The following MIB1 variants were observed in gnomAD, a reference collection of about 807,000 sequenced individuals.
MIB1 encodes the protein E3 ubiquitin-protein ligase MIB1.
A neutral mutation model predicts 124.5 loss-of-function variants in MIB1; 278 were observed. That is an observed-to-expected ratio of 2.23 (90% confidence interval 2.02 to 2.47). The LOEUF (loss-of-function observed/expected upper bound fraction) is 2.47, where lower values mean the gene tolerates loss of function less well. MIB1 is among the 30% of genes most tolerant of loss of function. MIB1 has a pLI of 0.00. For synonymous variants in MIB1, 446 were observed against 429.4 expected (o/e 1.04, Z -0.48); for missense variants, 957 against 1,254.4 (o/e 0.76, Z 3.58).
chr18:21,779,492 GGC>G lies in MIB1; in HGVS notation c.716_717del (p.Gly239GlufsTer11). The G allele has an allele frequency of 6.2e-7, 1 of 1,614,000 alleles. No individual in the cohort carries two copies. The highest frequency in any genetic ancestry group is 1.1e-5 in the South Asian group (1 of 91,056). ...CTCTGAAATTACAGGTGAGCAGAATGGCAACAGGAATCCTGGTGGATTGCAGA... is the reference window on the plus strand; with the variant it reads ...CTCTGAAATTACAGGTGAGCAGAATGAACAGGAATCCTGGTGGATTGCAGA... ...DHCPVLGEQN[G>X]NRNPGGLQIG... is the part of the protein sequence containing the mutation. On this transcript the variant is annotated frameshift_variant, in exon 6 of 21. Coordinates refer to ENST00000261537, the MANE Select transcript of MIB1 (RefSeq NM_020774.4). LOFTEE classifies it high-confidence loss of function.
At chr18:21,862,505 T>C (rs2042284898) in intron 20 of MIB1, among the ~76,000 whole-genome samples, 1 of 152,250 alleles carries the variant, frequency 6.6e-6, no homozygotes, top group Admixed American at 6.5e-5. Context: ...AAAATGTGTT[T>C]TGTGAATAAA....
rs182238140 is a variant in MIB1 at position 21,798,047 on chromosome 18, T to G, written c.1093-37T>G. ...AGTGATTGACTTTATGGTATATACT[T>G]TAGACTTGGAAACATGAATCTATTT... is the stretch of plus-strand genomic sequence containing the variant. On this transcript the variant is annotated intron_variant, in intron 7 of 20. Coordinates refer to ENST00000261537, the MANE Select transcript of MIB1 (RefSeq NM_020774.4). The G allele has an allele frequency of 2.6e-4, 424 of 1,607,448 alleles. 3 individuals carry two copies. In the South Asian group the frequency reaches 3.3e-3, roughly 12 times the overall value.
intron 1 of MIB1, among the ~76,000 whole-genome samples, chr18:21,734,243 A>T (rs961565629): frequency 4.6e-5 from 7 of 151,362 alleles, no homozygotes; most frequent in Non-Finnish European, 8.8e-5. Flanking sequence ...AGTAGCTGGG[A>T]CTACAGGCGC....
upstream of MIB1, among the ~76,000 whole-genome samples, chr18:21,736,451 C>T (rs972006988): frequency 5.3e-5 from 8 of 152,106 alleles, no homozygotes; most frequent in African/African-American, 1.9e-4. Flanking sequence ...ACCAGAATGC[C>T]TCGTCTCCTT....
At position 21,815,927 on chromosome 18, in the gene MIB1, T is replaced by C. The variant is rs1031380209; in HGVS notation, c.1677+114T>C. 4 of 969,746 alleles carry C rather than the reference T, an allele frequency of 4.1e-6. No homozygotes were observed. The African/African-American group carries it at 6.6e-5, about 16-fold the overall frequency. The allele number at this position is 969,746 out of a possible 1,614,324, so 60.1% of individuals were successfully genotyped here. A position where few individuals can be genotyped will look rare whatever the true frequency, so the allele number is the denominator to read the frequency against. On this transcript the variant is annotated intron_variant, in intron 11 of 20. Transcript: ENST00000261537. ...TACCGTTCTCATATGTCATAGTAAA[T>C]GATACCAAAGGCGTAAGATGTTACA...
intron 1 of MIB1, among the ~76,000 whole-genome samples, chr18:21,710,827 A>ATTTTT (rs34702356): frequency 3.4e-5 from 4 of 117,026 alleles, no homozygotes; most frequent in African/African-American, 7.0e-5. Flanking sequence ...TAATTGACTG[A>ATTTTT]TTTTTTTTTT....
In MIB1 at chr18:21,866,264, G is replaced by C. The variant is rs1440317222; in HGVS notation, c.*1598G>C. The C allele has an allele frequency of 6.6e-6, 1 of 152,156 alleles. No homozygotes were observed. Among genetic ancestry groups the C allele is most frequent in the African/African-American group, 2.4e-5 (1 of 41,438 alleles). 9.4% of individuals were successfully genotyped at this position (152,156 alleles called of 1,614,324 possible). A position where few individuals can be genotyped will look rare whatever the true frequency, so the allele number is the denominator to read the frequency against. ...CCTGGTGAAAGCAATGGGGAGCTTT[G>C]CTGGCTGGTTTTGTAGTCTCAACAA... On this transcript the variant is annotated 3_prime_UTR_variant, in exon 21 of 21. Transcript: ENST00000261537.
In MIB1 at chr18:21,828,983, A is replaced by T. The variant is rs182023736; in HGVS notation, c.1829+9337A>T. The T allele has an allele frequency of 2.7e-4, 126 of 469,208 alleles. 1 individual carries two copies. The highest frequency in any genetic ancestry group is 2.5e-3 in the African/African-American group (122 of 49,642). The allele number at this position is 469,208 out of a possible 1,614,324, so 29.1% of individuals were successfully genotyped here. ...CAAGAGCTTCTTTTAGCTCAGTTTA[A>T]TTCTCCCTTGGTGGTTTATTGCCTA... On this transcript the variant is annotated intron_variant, in intron 12 of 20. Transcript: ENST00000261537.
intron 7 of MIB1, among the ~76,000 whole-genome samples, chr18:21,796,672 G>T (rs1412965445): frequency 6.6e-6 from 1 of 152,138 alleles, no homozygotes; most frequent in East Asian, 1.9e-4. Flanking sequence ...TAGTGCCCAG[G>T]TTATGGTTTT....
chr18:21,849,733 C>T (rs1056615080), intron 17 of MIB1, among the ~76,000 whole-genome samples: 3 of 151,950 alleles, frequency 2.0e-5, no homozygotes, highest in African/African-American at 7.3e-5. Context: ...TTCAAAGCTC[C>T]CTATAACCTA....
intron 1 of MIB1, among the ~76,000 whole-genome samples, chr18:21,760,104 A>G (rs1162990758): frequency 6.6e-6 from 1 of 152,186 alleles, no homozygotes; most frequent in Non-Finnish European, 1.5e-5. Flanking sequence ...GCAAAGGAAA[A>G]GGGCATTAAC....
At chr18:21,786,271 G>A (rs1041886042) in intron 6 of MIB1, among the ~76,000 whole-genome samples, 1 of 151,978 alleles carries the variant, frequency 6.6e-6, no homozygotes, top group Non-Finnish European at 1.5e-5. Flanking sequence ...TAATTTTTTT[G>A]TATTTTTAGT....
At position 21,826,195 on chromosome 18, in the gene MIB1, G is replaced by A. The variant is rs568817026; in HGVS notation, c.1829+6549G>A. On this transcript the variant is annotated intron_variant, in intron 12 of 20. Transcript: ENST00000261537. ...CTCTAGGCAGCAAACCAGATAAATA[G>A]TTAAGCTAAAAGGTTGGGGAAGAGT... 8 of 158,580 alleles carry A rather than the reference G, an allele frequency of 5.0e-5. No homozygotes were observed. In the South Asian group the frequency reaches 1.1e-3, roughly 21 times the overall value. 9.8% of individuals were successfully genotyped at this position (158,580 alleles called of 1,614,324 possible). A position where few individuals can be genotyped will look rare whatever the true frequency, so the allele number is the denominator to read the frequency against.
At chr18:21,771,210 T>G (rs1163762169) in intron 3 of MIB1, among the ~76,000 whole-genome samples, 1 of 152,212 alleles carries the variant, frequency 6.6e-6, no homozygotes, top group African/African-American at 2.4e-5. Flanking sequence ...TCTTATGCCC[T>G]CCACTTTGTT....
At chr18:21,848,456 A>T in intron 16 of MIB1, among the ~76,000 whole-genome samples, 1 of 152,194 alleles carries the variant, frequency 6.6e-6, no homozygotes, top group East Asian at 1.9e-4. Context: ...GTCTCCAAAA[A>T]AAAAAATCTA....
At chr18:21,829,115 A>C (rs572266795) in intron 12 of MIB1, 25 of 432,928 alleles carry the variant, frequency 5.8e-5, no homozygotes, top group Non-Finnish European at 9.7e-5. Context: ...CTGTAAAAAC[A>C]TGAAATATTT....
intron 1 of MIB1, among the ~76,000 whole-genome samples, chr18:21,750,987 A>G (rs1432735841): frequency 6.6e-6 from 1 of 152,048 alleles, no homozygotes; most frequent in Non-Finnish European, 1.5e-5. Context: ...GCTTGAGCCC[A>G]GGGATTTGAG....
chr18:21,758,398 A>T (rs1267976174), intron 1 of MIB1, among the ~76,000 whole-genome samples: 1 of 152,172 alleles, frequency 6.6e-6, no homozygotes, highest in Admixed American at 6.5e-5. Flanking sequence ...AACCCTCCTT[A>T]GTCTCTGTAA....
Position 21,773,720 on chromosome 18 carries a change from GA to G in MIB1, c.629del (p.Glu210GlyfsTer6). On this transcript the variant is annotated frameshift_variant, in exon 4 of 21. Coordinates refer to ENST00000261537, the MANE Select transcript of MIB1 (RefSeq NM_020774.4). LOFTEE classifies it high-confidence loss of function. ...GAKNLYRVGF[E>X]GMSDLKCVQD... ...TAAGAACCTTTACAGAGTTGGCTTT[GA>G]GGGCATGGTAAGTAGTGAAGAGCCA... 1 of 1,596,182 alleles carries G rather than the reference GA, an allele frequency of 6.3e-7. No individual in the cohort carries two copies.
Sources: allele counts gnomAD v4.1 joint callset (sites outside exome capture counted in the v4.1 genomes callset), GRCh38; gene constraint gnomAD v4.1.1; transcripts MANE v1.5; gene names NCBI Gene and HGNC (gene_info 2026-07-23, HGNC 2026-07-21).